Variants in RYR3 observed in about 807,000 individuals in gnomAD.
The protein encoded by RYR3 is ryanodine receptor 3, also known as brain ryanodine receptor-calcium release channel.
In RYR3, 207 loss-of-function variants were observed where a neutral mutation model predicts 584.3. That is an observed-to-expected ratio of 0.35 (90% CI 0.32 to 0.40). The LOEUF (loss-of-function observed/expected upper bound fraction) is 0.40. Among genes scored for constraint, RYR3 ranks in the 10% least tolerant of loss-of-function variants. The probability of loss-of-function intolerance (pLI) is 1.00; values close to 1 mark genes in which losing one functional copy is unlikely to be tolerated. For synonymous variants in RYR3, 2,416 were observed against 2,248.5 expected (o/e 1.07, Z -2.11); for missense variants, 5,616 against 6,089.2 (o/e 0.92, Z 2.59).
At chr15:33,468,226 CTG>C (rs1028674474) in intron 1 of RYR3, among the ~76,000 whole-genome samples, 1 of 152,152 alleles carries the variant, frequency 6.6e-6, no homozygotes, top group African/African-American at 2.4e-5. Context: ...AAGGATTAAA[CTG>C]AGATGCTATA....
In RYR3 at chr15:33,860,669, C is replaced by G. The variant is rs898192253; in HGVS notation, c.14364+10C>G. The stretch of plus-strand genomic sequence containing the variant: ...ACGAGAAGATATGGAGGTAATGTTA[C>G]TCTAACTACTAATCCCAGCTCTATT... On this transcript the variant is annotated intron_variant, in intron 101 of 103. Transcript: ENST00000634891. The G allele has an allele frequency of 1.3e-6, 2 of 1,557,426 alleles. No individual in the cohort carries two copies. Among genetic ancestry groups the G allele is most frequent in the East Asian group, 2.3e-5 (1 of 44,034 alleles).
At chr15:33,646,580 G>T (rs897922015) in intron 29 of RYR3, 54 bp downstream of exon 29, 22 of 1,499,788 alleles carry the variant, frequency 1.5e-5, no homozygotes, top group Non-Finnish European at 1.9e-5. Context: ...CCTGTAAAGT[G>T]GGCTTTCTGC....
intron 1 of RYR3, among the ~76,000 whole-genome samples, chr15:33,382,257 G>T (rs1366582145): frequency 6.6e-6 from 1 of 151,104 alleles, no homozygotes; most frequent in Non-Finnish European, 1.5e-5. Context: ...ATTAAAACTT[G>T]GTTGTGCATT....
At chr15:33,376,723 G>T (rs192458986) in intron 1 of RYR3, among the ~76,000 whole-genome samples, 1 of 152,216 alleles carries the variant, frequency 6.6e-6, no homozygotes, top group Non-Finnish European at 1.5e-5. Flanking sequence ...GTTTTCCTCT[G>T]TGTTCTCTTC....
At chr15:33,810,919 T>C in intron 71 of RYR3, 59 bp from the exon 72 acceptor site, 1 of 1,417,634 alleles carries the variant, frequency 7.1e-7, no homozygotes, top group South Asian at 1.2e-5. Flanking sequence ...CATCCCCATA[T>C]GCTACTTGAC....
intron 57 of RYR3, among the ~76,000 whole-genome samples, chr15:33,753,503 G>A (rs1035229549): frequency 1.3e-5 from 2 of 152,182 alleles, no homozygotes; most frequent in African/African-American, 4.8e-5. Context: ...GCTGTGCTAC[G>A]TAGGATCATG....
intron 14 of RYR3, 54 bp from the exon 15 acceptor site, chr15:33,584,341 A>AT: frequency 1.1e-6 from 1 of 923,482 alleles, no homozygotes; most frequent in South Asian, 1.5e-5. Flanking sequence ...CCAAGTTCTC[A>AT]CGCCCATCAT....
intron 1 of RYR3, among the ~76,000 whole-genome samples, chr15:33,346,861 T>G (rs1369826402): frequency 6.6e-6 from 1 of 152,106 alleles, no homozygotes; most frequent in Non-Finnish European, 1.5e-5. Flanking sequence ...AAATAAAAAT[T>G]GAAGGCTTAG....
At chr15:33,359,371 C>T (rs749068248) in intron 1 of RYR3, among the ~76,000 whole-genome samples, 12 of 152,102 alleles carry the variant, frequency 7.9e-5, no homozygotes, top group Admixed American at 5.2e-4. Flanking sequence ...TTTATTTTCC[C>T]GACTCTTCAC....
chr15:33,801,800 CT>C, intron 68 of RYR3, 68 bp from the exon 69 acceptor site: 1 of 807,070 alleles, frequency 1.2e-6, no homozygotes. Context: ...ACTTGGGGAG[CT>C]TAGAATCTTA....
intron 16 of RYR3, among the ~76,000 whole-genome samples, chr15:33,594,523 A>T (rs2059282443): frequency 6.6e-6 from 1 of 152,200 alleles, no homozygotes; most frequent in Non-Finnish European, 1.5e-5. Flanking sequence ...AGTCAAAAAG[A>T]TTACTTCAGT....
chr15:33,460,372 A>C (rs186216638), intron 1 of RYR3, among the ~76,000 whole-genome samples: 1 of 152,364 alleles, frequency 6.6e-6, no homozygotes, highest in Admixed American at 6.5e-5. Context: ...GACATATTGC[A>C]ACTCTTACAT....
chr15:33,696,137 A>G (rs758297428), intron 38 of RYR3, 81 bp from the exon 39 acceptor site: 237 of 1,360,774 alleles, frequency 1.7e-4, no homozygotes, highest in Non-Finnish European at 2.2e-4. Flanking sequence ...TGTGTCTTCT[A>G]TTTGCATGAA....
At chr15:33,400,734 C>T (rs926732817) in intron 1 of RYR3, among the ~76,000 whole-genome samples, 4 of 152,176 alleles carry the variant, frequency 2.6e-5, no homozygotes, top group African/African-American at 7.2e-5. Flanking sequence ...GAGTTGGCTT[C>T]CAGTGGGGAG....
Position 33,812,868 on chromosome 15 carries a change from T to A in RYR3, c.10263T>A (p.Asp3421Glu), listed in dbSNP as rs2076623187. 6.2e-7 allele frequency: 1 copy of A among 1,613,708 alleles called. No individual in the cohort carries two copies. The highest frequency in any genetic ancestry group is 1.7e-5 in the Admixed American group (1 of 59,996). The change falls in exon 73 of 104, where the codon GAT becomes GAA. Residue 3421 changes from aspartate to glutamate, a missense_variant. Around this residue, in one of 9 missense-constraint regions of RYR3, gnomAD observed 954 missense variants for 1,132.2 expected, o/e 0.84. Coordinates refer to ENST00000634891, the MANE Select transcript of RYR3 (RefSeq NM_001036.6). ...GAGTATGCTTCAATTTTCAGTCTGA[T>A]GACCCAGCTGTAAAATGGCAACTGA... ...RNNLHLQEKS[D>E]DPAVKWQLNL...
At chr15:33,550,986 G>A (rs530126635) in intron 10 of RYR3, among the ~76,000 whole-genome samples, 4 of 152,198 alleles carry the variant, frequency 2.6e-5, no homozygotes, top group South Asian at 2.1e-4. Context: ...GGTTAACCTC[G>A]AATTAATTGC....
intron 1 of RYR3, among the ~76,000 whole-genome samples, chr15:33,439,189 C>T (rs1377960198): frequency 6.6e-6 from 1 of 152,022 alleles, no homozygotes; most frequent in African/African-American, 2.4e-5. Context: ...TTGGAACTAG[C>T]CATCTTGTAA....
chr15:33,430,246 G>C (rs993566339), intron 1 of RYR3, among the ~76,000 whole-genome samples: 2 of 152,228 alleles, frequency 1.3e-5, no homozygotes, highest in African/African-American at 4.8e-5. Context: ...GAATCGGGCA[G>C]CTAATGCTTA....
intron 1 of RYR3, among the ~76,000 whole-genome samples, chr15:33,372,308 C>G (rs919731073): frequency 5.3e-5 from 8 of 151,546 alleles, no homozygotes; most frequent in Admixed American, 5.3e-4. Context: ...TCTCCTGCCT[C>G]AGCCTTCTGA....
Sources: allele counts gnomAD v4.1 joint callset (sites outside exome capture counted in the v4.1 genomes callset), GRCh38; gene constraint gnomAD v4.1.1; regional missense constraint gnomAD v4.1.1; transcripts MANE v1.5; gene names NCBI Gene and HGNC (gene_info 2026-07-23, HGNC 2026-07-21).